The following VWA3A variants were observed in gnomAD, a reference collection of about 807,000 sequenced individuals.
The protein encoded by VWA3A is von Willebrand factor A domain containing 3A.
Under a neutral mutation model 160.4 loss-of-function variants are expected in VWA3A, and 134 were observed. The observed-to-expected ratio is 0.84, with a 90% CI of 0.73 to 0.96. The LOEUF is 0.96. Among genes scored for constraint, VWA3A ranks in the 40% least tolerant of loss-of-function variants. The pLI, the probability that VWA3A is intolerant of heterozygous loss-of-function variation, is 0.00. For synonymous variants in VWA3A, 476 were observed against 543.4 expected (o/e 0.88, Z 1.72); for missense variants, 1,310 against 1,447.9 (o/e 0.90, Z 1.55).
At position 22,100,204 on chromosome 16, in the gene VWA3A, G is replaced by A. The variant is rs2045386295; in HGVS notation, c.236G>A (p.Gly79Glu). The part of the protein sequence containing the change: ...NQTQDLLRLQ[G>E]SETQSSDWED... ...GCTTTTGTCTTGCAGAGGCTGCAGGGGAGTGAGACCCAGTCTTCAGATTGG... is the reference window on the plus strand; with the variant it reads ...GCTTTTGTCTTGCAGAGGCTGCAGGAGAGTGAGACCCAGTCTTCAGATTGG... The change falls in exon 4 of 34, where the codon GGG (glycine) becomes GAG (glutamate). Residue 79 changes from glycine to glutamate, a missense_variant. Physicochemically the swap from Gly to Glu is moderately conservative, Grantham distance 98 (BLOSUM62 -2). Transcript: ENST00000389398. 3 of 1,547,840 alleles carry A rather than the reference G, an allele frequency of 1.9e-6. No individual in the cohort carries two copies. The highest frequency in any genetic ancestry group is 2.0e-5 in the Admixed American group (1 of 50,718).
intron 3 of VWA3A, among the ~76,000 whole-genome samples, chr16:22,097,930 G>A (rs1187183692): frequency 6.6e-6 from 1 of 152,216 alleles, no homozygotes; most frequent in African/African-American, 2.4e-5. Flanking sequence ...AGGAGCATGT[G>A]AAGACTCTGA....
chr16:22,109,401 C>A, intron 6 of VWA3A, 81 bp from the exon 7 acceptor site: 1 of 1,179,388 alleles, frequency 8.5e-7, no homozygotes, highest in Non-Finnish European at 1.2e-6. Context: ...GTGTTTGCAT[C>A]ACTGCGTGGC....
chr16:22,123,593 T>A lies in VWA3A; in HGVS notation c.1438-20T>A, dbSNP rs993869788. 2.5e-6 allele frequency: 4 copies of A among 1,613,850 alleles called. No individual in the cohort carries two copies. Among genetic ancestry groups the A allele is most frequent in the African/African-American group, 1.3e-5 (1 of 75,036 alleles). On this transcript the variant is annotated intron_variant, in intron 15 of 33. Transcript: ENST00000389398. ...GCTCAGCCTTTGAGCAGCCGCTCAC[T>A]GTGGCCCACACTTCTGCAGCAACAG...
At chr16:22,142,969 G>C (rs987678719) in intron 25 of VWA3A, among the ~76,000 whole-genome samples, 13 of 152,060 alleles carry the variant, frequency 8.5e-5, no homozygotes, top group African/African-American at 2.7e-4. Context: ...GGCCAACATG[G>C]TGAAACCCCA....
intron 8 of VWA3A, among the ~76,000 whole-genome samples, 157 bp from the exon 9 acceptor site, chr16:22,115,190 C>T (rs998947079): frequency 1.3e-5 from 2 of 151,972 alleles, no homozygotes; most frequent in Non-Finnish European, 2.9e-5. Context: ...GCAGCAGGAT[C>T]GCTTGGGCCC....
intron 9 of VWA3A, 69 bp downstream of exon 9, chr16:22,115,541 G>T: frequency 6.7e-7 from 1 of 1,489,598 alleles, no homozygotes; most frequent in Non-Finnish European, 9.0e-7. Context: ...CACTTTTTGA[G>T]AAAAGATTGG....
chr16:22,135,632 T>C (rs538568008), intron 21 of VWA3A, among the ~76,000 whole-genome samples: 1 of 152,270 alleles, frequency 6.6e-6, no homozygotes, highest in South Asian at 2.1e-4. Flanking sequence ...GTCTGTGTGC[T>C]GCACATTCTG....
At position 22,150,710 on chromosome 16, in the gene VWA3A, C is replaced by T; in HGVS notation, c.3145C>T (p.His1049Tyr). 6.2e-7 allele frequency: 1 copy of T among 1,609,426 alleles called. No individual in the cohort carries two copies. Among genetic ancestry groups the T allele is most frequent in the South Asian group, 1.1e-5 (1 of 89,976 alleles). ...GTTCTTTCAGAAAGCTTTCAGTTTC[C>T]ATGATCTGGAAGGATTGTACCTCCT... ...LQALLKAFSF[H>Y]DLEGLYLLTD... The change falls in exon 30 of 34, where the codon CAT (histidine) becomes TAT (tyrosine). Residue 1049 changes from histidine to tyrosine, a missense_variant. Transcript: ENST00000389398.
intron 8 of VWA3A, among the ~76,000 whole-genome samples, chr16:22,114,144 C>T (rs1050498365): frequency 4.6e-5 from 7 of 152,102 alleles, no homozygotes; most frequent in African/African-American, 1.7e-4. Context: ...CTTATTCTCG[C>T]TGTTCAAAAG....
chr16:22,141,275 G>A, intron 23 of VWA3A: 1 of 546,568 alleles, frequency 1.8e-6, no homozygotes, highest in Non-Finnish European at 3.5e-6. Flanking sequence ...GCCTCTTACT[G>A]GTGGATTCCC....
At chr16:22,153,100 C>G (rs948842857) in intron 31 of VWA3A, among the ~76,000 whole-genome samples, 1 of 152,178 alleles carries the variant, frequency 6.6e-6, no homozygotes, top group Non-Finnish European at 1.5e-5. Flanking sequence ...AATCCCATCA[C>G]TTTGGGAGGC....
At position 22,109,365 on chromosome 16, in the gene VWA3A, GCT is replaced by G. The variant is rs1427913020; in HGVS notation, c.484-116_484-115del. ...CCCTTATAAAATGAGGTTTCCATCTGCTGCTGCTTGTTAGGGGTGAGGAAAGT... is the reference window on the plus strand; with the variant it reads ...CCCTTATAAAATGAGGTTTCCATCTGGCTGCTTGTTAGGGGTGAGGAAAGT... On this transcript the variant is annotated intron_variant, in intron 6 of 33. Coordinates refer to ENST00000389398, the MANE Select transcript of VWA3A (RefSeq NM_173615.5). The G allele has an allele frequency of 7.4e-6, 6 of 810,360 alleles. No individual in the cohort carries two copies. In the Admixed American group the frequency reaches 1.4e-4, roughly 18 times the overall value. 50.2% of individuals were successfully genotyped at this position (810,360 alleles called of 1,614,324 possible). A position where few individuals can be genotyped will look rare whatever the true frequency, so the allele number is the denominator to read the frequency against.
intron 25 of VWA3A, among the ~76,000 whole-genome samples, chr16:22,144,037 C>T (rs561085080): frequency 1.3e-5 from 2 of 152,082 alleles, no homozygotes; most frequent in Admixed American, 6.6e-5. Flanking sequence ...TGAGCCACCG[C>T]GTCCAGCCTG....
At chr16:22,147,535 G>T (rs1482499406) in intron 27 of VWA3A, 5 of 702,226 alleles carry the variant, frequency 7.1e-6, no homozygotes, top group Non-Finnish European at 1.3e-5. Flanking sequence ...AGGTGGCTTT[G>T]TACGTGCCAC....
intron 31 of VWA3A, among the ~76,000 whole-genome samples, chr16:22,153,942 T>A (rs2046391698): frequency 6.6e-6 from 1 of 152,014 alleles, no homozygotes; most frequent in Non-Finnish European, 1.5e-5. Context: ...TCTCACCATG[T>A]TGCCCAGGCT....
chr16:22,126,263 C>G lies in VWA3A; in HGVS notation c.1618C>G (p.Gln540Glu). The stretch of plus-strand genomic sequence containing the variant: ...CTCCCTGCGGCTGCTGCTGGAGGAG[C>G]AGTTATCCAACAAGGACTGTTTCAA... Reference protein sequence around the residue: ...QHSLRLLLEEQLSNKDCFNLI... With the variant: ...QHSLRLLLEEELSNKDCFNLI... Residue 540 changes from glutamine (Q) to glutamate (E), a missense_variant, in exon 17 of 34, where the codon CAG (glutamine) becomes GAG (glutamate). Transcript: ENST00000389398. 3.7e-6 allele frequency: 6 copies of G among 1,613,944 alleles called. No individual in the cohort carries two copies. The highest frequency in any genetic ancestry group is 5.1e-6 in the Non-Finnish European group (6 of 1,179,884).
At chr16:22,125,497 C>T (rs960452059) in intron 16 of VWA3A, among the ~76,000 whole-genome samples, 1 of 152,056 alleles carries the variant, frequency 6.6e-6, no homozygotes, top group Admixed American at 6.6e-5. Flanking sequence ...GATCTTGGCT[C>T]ACTGCAAGCT....
At chr16:22,098,278 A>C (rs1329682683) in intron 3 of VWA3A, among the ~76,000 whole-genome samples, 1 of 152,224 alleles carries the variant, frequency 6.6e-6, no homozygotes, top group Non-Finnish European at 1.5e-5. Flanking sequence ...ATACCTTTGA[A>C]ATGATAGTCA....
intron 17 of VWA3A, among the ~76,000 whole-genome samples, chr16:22,129,410 GAAA>G (rs2045910028): frequency 6.8e-6 from 1 of 146,136 alleles, no homozygotes; most frequent in African/African-American, 2.5e-5. Context: ...AAAAAAGAAA[GAAA>G]GAAAGAAAGA....
Sources: allele counts gnomAD v4.1 joint callset (sites outside exome capture counted in the v4.1 genomes callset), GRCh38; gene constraint gnomAD v4.1.1; transcripts MANE v1.5; gene names NCBI Gene and HGNC (gene_info 2026-07-23, HGNC 2026-07-21).